Variants in ZNF638 observed in about 807,000 individuals in gnomAD.
ZNF638 encodes zinc finger protein 638.
ZNF638 carries 46 observed loss-of-function variants against 195.6 expected under a neutral mutation model. The ratio of observed to expected loss-of-function variants is 0.24; its 90% CI spans 0.19 to 0.30. The LOEUF (loss-of-function observed/expected upper bound fraction) is 0.30. Among genes scored for constraint, ZNF638 ranks in the 10% least tolerant of loss-of-function variants. The pLI is 1.00. For synonymous variants in ZNF638, 845 were observed against 772.0 expected (o/e 1.09, Z -1.57); for missense variants, 2,440 against 2,325.3 (o/e 1.05, Z -1.01).
At chr2:71,354,667 G>A (rs1016698542) in intron 2 of ZNF638, among the ~76,000 whole-genome samples, 1 of 151,704 alleles carries the variant, frequency 6.6e-6, no homozygotes, top group African/African-American at 2.4e-5. Flanking sequence ...AACCTAGGAG[G>A]TGGAGAGTGC....
chr2:71,375,737 T>C (rs2079409378), intron 8 of ZNF638: 1 of 152,168 alleles, frequency 6.6e-6, no homozygotes, highest in African/African-American at 2.4e-5. Context: ...TTGGAAATGG[T>C]TTGGAGAATG....
chr2:71,349,876 A>G lies in ZNF638; in HGVS notation c.922A>G (p.Ile308Val). 1 of 1,614,218 alleles carries G rather than the reference A, an allele frequency of 6.2e-7. No individual in the cohort carries two copies. Among genetic ancestry groups the G allele is most frequent in the Non-Finnish European group, 8.5e-7 (1 of 1,180,040 alleles). The change falls in exon 2 of 28, where the codon ATA (isoleucine) becomes GTA (valine). Residue 308 changes from isoleucine (I) to valine (V), a missense_variant. Physicochemically the swap from Ile to Val is conservative, Grantham distance 29. Coordinates refer to ENST00000264447, the MANE Select transcript of ZNF638 (RefSeq NM_014497.5). ...ISGGQSVLEP[I>V]KSVNQSINQT... ...AGGAGGACAGTCAGTCCTTGAACCC[A>G]TAAAATCCGTCAACCAATCCATTAA...
chr2:71,333,707 C>T (rs1180152691), intron 1 of ZNF638, among the ~76,000 whole-genome samples: 1 of 151,502 alleles, frequency 6.6e-6, no homozygotes, highest in African/African-American at 2.4e-5. Context: ...CTCCCTTTTC[C>T]TCAGTATGTG....
intron 10 of ZNF638, among the ~76,000 whole-genome samples, chr2:71,387,868 A>G (rs1234526446): frequency 6.6e-6 from 1 of 152,196 alleles, no homozygotes; most frequent in Non-Finnish European, 1.5e-5. Context: ...GAAAATTGTT[A>G]ACCTATGTGT....
intron 24 of ZNF638, 22 bp from the exon 25 acceptor site, chr2:71,428,525 A>C (rs1224455194): frequency 6.3e-7 from 1 of 1,589,080 alleles, no homozygotes; most frequent in Middle Eastern, 1.7e-4. Flanking sequence ...TAGAGCAATA[A>C]ATTAGGACTT....
In ZNF638 at chr2:71,408,973, TAA is replaced by T. The variant is rs768844739; in HGVS notation, c.3261+729_3261+730del. 5.9e-5 allele frequency among the ~76,000 whole-genome samples: 9 copies of T among 152,108 alleles called. No individual in the cohort carries two copies. In the South Asian group the frequency reaches 8.3e-4, roughly 14 times the overall value. On this transcript the variant is annotated intron_variant, in intron 20 of 27. Coordinates refer to ENST00000264447, the MANE Select transcript of ZNF638 (RefSeq NM_014497.5). Reference sequence around the variant, plus strand: ...CTTGATAATTTCAGAAAAAAATATATAAAAGTTTTTAGCTATTCCTCAGCAGA... The same window carrying T: ...CTTGATAATTTCAGAAAAAAATATATAAGTTTTTAGCTATTCCTCAGCAGA...
Position 71,398,791 on chromosome 2 carries a change from A to C in ZNF638, c.2500+19A>C. The C allele has an allele frequency of 6.3e-7, 1 of 1,583,758 alleles. No individual in the cohort carries two copies. On this transcript the variant is annotated intron_variant, in intron 12 of 27. Transcript: ENST00000264447. ...AAAACAGGTAAGACTATTGGGGAGG[A>C]GAGATTTTATTGTTTATTCTTTATT...
intron 6 of ZNF638, among the ~76,000 whole-genome samples, chr2:71,366,805 A>G (rs2079208397): frequency 6.6e-6 from 1 of 152,176 alleles, no homozygotes; most frequent in African/African-American, 2.4e-5. Flanking sequence ...GTACTGATTT[A>G]TTAGTGTTAT....
chr2:71,382,163 T>C (rs1186141391), intron 10 of ZNF638, among the ~76,000 whole-genome samples: 1 of 152,174 alleles, frequency 6.6e-6, no homozygotes, highest in African/African-American at 2.4e-5. Flanking sequence ...TTGATTACAA[T>C]TGGAAAACTC....
rs1573039205 is a variant in ZNF638, at chr2:71,355,598, C to T, written c.1318-121C>T. 9 of 704,176 alleles carry T rather than the reference C, an allele frequency of 1.3e-5. No individual in the cohort carries two copies. The East Asian group carries it at 2.5e-4, about 19-fold the overall frequency. 43.6% of individuals were successfully genotyped at this position (704,176 alleles called of 1,614,324 possible). On this transcript the variant is annotated intron_variant, in intron 2 of 27. Transcript: ENST00000264447. ...GAAAATTTTACTGAGCAGCCAAATG[C>T]TATTTATGAGTACGTTTGTTTAATT...
At chr2:71,399,968 G>GT in intron 13 of ZNF638, 144 bp from the exon 14 acceptor site, 1 of 622,844 alleles carries the variant, frequency 1.6e-6, no homozygotes, top group Non-Finnish European at 2.6e-6. Context: ...GCTGTCTTTT[G>GT]TTTTTCAAAG....
intron 21 of ZNF638, among the ~76,000 whole-genome samples, chr2:71,419,831 T>C (rs913475117): frequency 6.6e-6 from 1 of 152,078 alleles, no homozygotes; most frequent in African/African-American, 2.4e-5. Context: ...GCAATAGCAG[T>C]TGGTCATTGT....
rs368571128 is a variant in ZNF638 at position 71,365,496 on chromosome 2, G to A, written c.1785G>A (p.Lys595=). The A allele has an allele frequency of 2.5e-6, 4 of 1,613,956 alleles. No homozygotes were observed. Among genetic ancestry groups the A allele is most frequent in the Non-Finnish European group, 3.4e-6 (4 of 1,179,950 alleles). Residue 595 remains lysine, a synonymous_variant, in exon 6 of 28, where the codon AAG becomes AAA. Transcript: ENST00000264447. ...SGHGTEFNKQ[K]HLEAADKGHS... ...ATGGGACAGAATTTAATAAACAGAA[G>A]CATCTTGAAGCTGCTGATAAGGGAC...
At chr2:71,371,997 G>A (rs1376813268) in intron 8 of ZNF638, among the ~76,000 whole-genome samples, 1 of 152,188 alleles carries the variant, frequency 6.6e-6, no homozygotes, top group African/African-American at 2.4e-5. Context: ...ATGTCCTGGA[G>A]AGAGAGTTCC....
intron 8 of ZNF638, among the ~76,000 whole-genome samples, chr2:71,377,168 G>A (rs993034530): frequency 3.3e-5 from 5 of 152,068 alleles, no homozygotes; most frequent in Admixed American, 6.5e-5. Context: ...GGTAGGGTGC[G>A]GTGGGAGGAT....
Position 71,355,699 on chromosome 2 carries a change from C to A in ZNF638, c.1318-20C>A. ...CATGAGGAATATTCTAATTTCAACA[C>A]TTTTCTCCTTTTACAATAGGATTGG... is the stretch of plus-strand genomic sequence containing the variant. On this transcript the variant is annotated intron_variant, in intron 2 of 27. Coordinates refer to ENST00000264447, the MANE Select transcript of ZNF638 (RefSeq NM_014497.5). 6.5e-7 allele frequency: 1 copy of A among 1,533,562 alleles called. No homozygotes were observed. Among genetic ancestry groups the A allele is most frequent in the Non-Finnish European group, 8.9e-7 (1 of 1,125,218 alleles). 95.0% of individuals were successfully genotyped at this position (1,533,562 alleles called of 1,614,324 possible).
chr2:71,419,724 A>G (rs1430147750), intron 21 of ZNF638, among the ~76,000 whole-genome samples: 1 of 152,156 alleles, frequency 6.6e-6, no homozygotes, highest in Non-Finnish European at 1.5e-5. Flanking sequence ...CTATATATAT[A>G]GACCTAAAGA....
intron 8 of ZNF638, among the ~76,000 whole-genome samples, chr2:71,372,850 C>A (rs2079339337): frequency 1.3e-5 from 2 of 152,198 alleles, no homozygotes; most frequent in African/African-American, 4.8e-5. Context: ...TTAGTGCATT[C>A]CTCATTCTTT....
Position 71,369,989 on chromosome 2 carries a change from G to A in ZNF638, c.2249G>A (p.Gly750Glu), listed in dbSNP as rs1333042263. 2 of 1,591,316 alleles carry A rather than the reference G, an allele frequency of 1.3e-6. No homozygotes were observed. Among genetic ancestry groups the A allele is most frequent in the Non-Finnish European group, 1.7e-6 (2 of 1,173,632 alleles). The change falls in exon 8 of 28, where the codon GGA becomes GAA. Residue 750 changes from glycine to glutamate, a missense_variant. Coordinates refer to ENST00000264447, the MANE Select transcript of ZNF638 (RefSeq NM_014497.5). ...KGKSVKICVP[G>E]KKKAQNKEVK... ...AAAAGTGTGAAAATATGTGTTCCAG[G>A]AAAGAAAAAAGCACAGGTAATCTGG...
Sources: gnomAD v4.1 joint callset for allele counts (sites outside exome capture counted in the v4.1 genomes callset) on GRCh38, gnomAD v4.1.1 for gene constraint, MANE v1.5 for transcripts, NCBI Gene and HGNC (gene_info 2026-07-23, HGNC 2026-07-21) for gene names.